Variants in MRPS21 observed in about 807,000 individuals in gnomAD.
MRPS21 encodes the protein mitochondrial ribosomal protein S21.
Under a neutral mutation model 9.9 loss-of-function variants are expected in MRPS21, and 8 were observed. The ratio of observed to expected loss-of-function variants is 0.81; its 90% CI spans 0.47 to 1.45. MRPS21 has a LOEUF of 1.45. Among genes scored for constraint, MRPS21 ranks in the 40% most tolerant of loss-of-function variants. The probability of loss-of-function intolerance (pLI) is 0.00; values close to 1 mark genes in which losing one functional copy is unlikely to be tolerated. For missense variants in MRPS21, 101 were observed against 118.9 expected (o/e 0.85, Z 0.70); for synonymous variants, 40 against 40.3 (o/e 0.99, Z 0.03).
chr1:150,299,409 A>G (rs1285551123), intron 2 of MRPS21, among the ~76,000 whole-genome samples: 1 of 137,332 alleles, frequency 7.3e-6, no homozygotes, highest in Non-Finnish European at 1.5e-5. Flanking sequence ...TTTAATCAAC[A>G]CTCAGTTTTT....
chr1:150,298,221 C>G (rs937233153), intron 2 of MRPS21, among the ~76,000 whole-genome samples: 1 of 152,206 alleles, frequency 6.6e-6, no homozygotes, highest in African/African-American at 2.4e-5. Context: ...GCTTGAGCCA[C>G]TGCACCTGGC....
chr1:150,296,410 T>C (rs1398987204), intron 2 of MRPS21, among the ~76,000 whole-genome samples: 1 of 152,188 alleles, frequency 6.6e-6, no homozygotes, highest in African/African-American at 2.4e-5. Context: ...TGAGTTGAAT[T>C]ATCAAAGAAT....
chr1:150,296,556 G>A (rs1653922261), intron 2 of MRPS21, among the ~76,000 whole-genome samples: 1 of 152,128 alleles, frequency 6.6e-6, no homozygotes, highest in South Asian at 2.1e-4. Context: ...TCTAACCTAG[G>A]AAGCATAGTG....
rs939698678 is a variant in MRPS21 at position 150,293,927 on chromosome 1, G to A, written c.-33+29G>A. Reference sequence around the variant, plus strand: ...AGGAGTTGTGCAGGGTTTGGGGAAAGGAAGGCTGGCTTGGCGAGAGGGCAG... The same window carrying A: ...AGGAGTTGTGCAGGGTTTGGGGAAAAGAAGGCTGGCTTGGCGAGAGGGCAG... On this transcript the variant is annotated intron_variant, in intron 1 of 2. Coordinates refer to ENST00000614145, the MANE Select transcript of MRPS21 (RefSeq NM_031901.6). The A allele has an allele frequency of 1.5e-5, 3 of 204,274 alleles. No individual in the cohort carries two copies. In the South Asian group the frequency reaches 2.3e-4, roughly 16 times the overall value. The allele number at this position is 204,274 out of a possible 1,614,324, so 12.7% of individuals were successfully genotyped here. A position where few individuals can be genotyped will look rare whatever the true frequency, so the allele number is the denominator to read the frequency against.
chr1:150,294,283 T>C, intron 1 of MRPS21, 52 bp from the exon 2 acceptor site: 1 of 1,263,880 alleles, frequency 7.9e-7, no homozygotes, highest in Non-Finnish European at 1.2e-6. Context: ...TAGTTTGTAT[T>C]ATGTTGCGTT....
chr1:150,297,105 C>T (rs2101903656), intron 2 of MRPS21, among the ~76,000 whole-genome samples: 1 of 151,088 alleles, frequency 6.6e-6, no homozygotes, highest in East Asian at 2.0e-4. Context: ...TCCTGGCTAA[C>T]ACGGTGAAAC....
In MRPS21 at chr1:150,305,866, AT is replaced by A. The variant is rs1654311708; in HGVS notation, c.84-2181del. Among the ~76,000 whole-genome samples the A allele has an allele frequency of 4.9e-5, 6 of 122,926 alleles. No homozygotes were observed. The South Asian group carries it at 2.0e-3, about 41-fold the overall frequency. 80.6% of individuals were successfully genotyped at this position (122,926 alleles called of 152,430 possible). On this transcript the variant is annotated intron_variant, in intron 2 of 2. Transcript: ENST00000614145. ...GGGCAGGTTATTAAAAGATATATAT[AT>A]AGGGGGCAATTGTTTGGGCTTTGAG...
chr1:150,297,289 T>TCA lies in MRPS21; in HGVS notation c.83+2840_83+2841insCA, dbSNP rs1553856719. Among the ~76,000 whole-genome samples the TCA allele has an allele frequency of 7.8e-4, 81 of 104,184 alleles. 1 individual carries two copies. The highest frequency in any genetic ancestry group is 8.2e-4 in the Non-Finnish European group (35 of 42,478). The allele number at this position is 104,184 out of a possible 152,430, so 68.3% of individuals were successfully genotyped here. On this transcript the variant is annotated intron_variant, in intron 2 of 2. Transcript: ENST00000614145. ...CTGGGCAACAGAGCGAGACTCTGTC[T>TCA]ACAAAAAAAAAAAGAAAAAATGCTG...
intron 2 of MRPS21, among the ~76,000 whole-genome samples, chr1:150,306,164 AAG>A (rs1654323154): frequency 6.6e-6 from 1 of 152,336 alleles, no homozygotes; most frequent in African/African-American, 2.4e-5. Context: ...GGTGTAGGAA[AAG>A]AGAGTGGAAA....
At chr1:150,302,631 G>A (rs587663272) in intron 2 of MRPS21, among the ~76,000 whole-genome samples, 1 of 152,214 alleles carries the variant, frequency 6.6e-6, no homozygotes, top group Admixed American at 6.5e-5. Context: ...TCAGTATTAG[G>A]TTGCCAGGCG....
chr1:150,303,342 C>G (rs1226575942), intron 2 of MRPS21, among the ~76,000 whole-genome samples: 2 of 152,014 alleles, frequency 1.3e-5, no homozygotes, highest in African/African-American at 2.4e-5. Context: ...CAATATACTA[C>G]TTTCTAGTCC....
At chr1:150,300,316 C>G (rs1209170487) in intron 2 of MRPS21, among the ~76,000 whole-genome samples, 4 of 151,602 alleles carry the variant, frequency 2.6e-5, no homozygotes, top group African/African-American at 7.3e-5. Flanking sequence ...GCACTCCAGC[C>G]TGGGTGACAA....
intron 2 of MRPS21, among the ~76,000 whole-genome samples, chr1:150,298,143 G>A (rs587751386): frequency 6.6e-6 from 1 of 152,266 alleles, no homozygotes; most frequent in South Asian, 2.1e-4. Context: ...AGGTTAGTCA[G>A]GCTGGTCTCT....
At chr1:150,303,281 A>G (rs1654212221) in intron 2 of MRPS21, among the ~76,000 whole-genome samples, 1 of 152,102 alleles carries the variant, frequency 6.6e-6, no homozygotes, top group African/African-American at 2.4e-5. Flanking sequence ...TGTACTTTTT[A>G]CATTATATAT....
chr1:150,298,791 G>A (rs1279011665), intron 2 of MRPS21, among the ~76,000 whole-genome samples: 3 of 151,984 alleles, frequency 2.0e-5, no homozygotes, highest in Non-Finnish European at 4.4e-5. Flanking sequence ...TAGTAGAGAC[G>A]GGGTTTCACC....
At chr1:150,299,907 G>A (rs1654055511) in intron 2 of MRPS21, among the ~76,000 whole-genome samples, 1 of 152,036 alleles carries the variant, frequency 6.6e-6, no homozygotes, top group South Asian at 2.1e-4. Flanking sequence ...ATCACCTAGG[G>A]AACGAACCAT....
chr1:150,294,363 G>C lies in MRPS21; in HGVS notation c.-4G>C. On this transcript the variant is annotated 5_prime_UTR_variant, in exon 2 of 3. Coordinates refer to ENST00000614145, the MANE Select transcript of MRPS21 (RefSeq NM_031901.6). ...CTACAGAGTGAAGGTTTAAATCCAAGGTCATGGCAAAACATCTGAAGTTCA... is the reference window on the plus strand; with the variant it reads ...CTACAGAGTGAAGGTTTAAATCCAACGTCATGGCAAAACATCTGAAGTTCA... 6.2e-7 allele frequency: 1 copy of C among 1,612,384 alleles called. No homozygotes were observed. The highest frequency in any genetic ancestry group is 8.5e-7 in the Non-Finnish European group (1 of 1,179,332).
intron 2 of MRPS21, among the ~76,000 whole-genome samples, chr1:150,294,916 T>A (rs1415388695): frequency 1.6e-5 from 2 of 123,464 alleles, no homozygotes; most frequent in Non-Finnish European, 3.4e-5. Context: ...GAAAAAAAGT[T>A]CTTCCTCAAA....
chr1:150,302,770 G>T (rs1553857895), intron 2 of MRPS21, among the ~76,000 whole-genome samples: 3 of 152,034 alleles, frequency 2.0e-5, no homozygotes, highest in Non-Finnish European at 4.4e-5. Flanking sequence ...AGCTTTTCTT[G>T]CATCCTTTTC....
Sources: allele counts gnomAD v4.1 joint callset (sites outside exome capture counted in the v4.1 genomes callset), GRCh38; gene constraint gnomAD v4.1.1; transcripts MANE v1.5; gene names NCBI Gene and HGNC (gene_info 2026-07-23, HGNC 2026-07-21).